The following LNX1 variants were observed in gnomAD, a reference collection of about 807,000 sequenced individuals.
LNX1 encodes ligand of numb-protein X 1, also known as E3 ubiquitin-protein ligase LNX.
Under a neutral mutation model 68.4 loss-of-function variants are expected in LNX1, and 54 were observed. The ratio of observed to expected loss-of-function variants is 0.79; its 90% CI spans 0.63 to 0.99. The LOEUF (loss-of-function observed/expected upper bound fraction) is 0.99, where lower values mean the gene tolerates loss of function less well. Among genes scored for constraint, LNX1 ranks in the 50% least tolerant of loss-of-function variants. The pLI is 0.00. For missense variants in LNX1, 906 were observed against 926.4 expected, an observed-to-expected ratio of 0.98 and a Z score of 0.29; for synonymous variants, 336 against 350.0, an observed-to-expected ratio of 0.96 and a Z score of 0.45.
intron 4 of LNX1, among the ~76,000 whole-genome samples, chr4:53,502,462 C>T (rs1335993296): frequency 6.6e-6 from 1 of 152,158 alleles, no homozygotes; most frequent in Non-Finnish European, 1.5e-5. Flanking sequence ...TACTTTATTG[C>T]TAAAACATGC....
intron 2 of LNX1, among the ~76,000 whole-genome samples, chr4:53,510,692 G>T (rs1726265783): frequency 6.6e-6 from 1 of 152,218 alleles, no homozygotes; most frequent in Admixed American, 6.5e-5. Context: ...ACACTTCCAG[G>T]CAGGCTGGTA....
intron 6 of LNX1, among the ~76,000 whole-genome samples, chr4:53,482,719 G>A (rs1392512790): frequency 3.3e-5 from 5 of 152,088 alleles, no homozygotes; most frequent in African/African-American, 1.2e-4. Context: ...GGGTGAGTGG[G>A]GTGAGGGATG....
In LNX1 at chr4:53,472,694, A is replaced by C. The variant is rs1343758429; in HGVS notation, c.1892+4059T>G. Among the ~76,000 whole-genome samples the C allele has an allele frequency of 1.1e-3, 158 of 139,220 alleles. 2 individuals carry two copies. Among genetic ancestry groups the C allele is most frequent in the South Asian group, 1.4e-3 (6 of 4,410 alleles). 91.3% of individuals were successfully genotyped at this position (139,220 alleles called of 152,430 possible). ...ACAACAACAACAACAACAAAAAAAAAAAAAACAAAAAACAATGGGGAAGTA... is the reference window on the plus strand; with the variant it reads ...ACAACAACAACAACAACAAAAAAAACAAAAACAAAAAACAATGGGGAAGTA... On this transcript the variant is annotated intron_variant, in intron 9 of 10. Coordinates refer to ENST00000263925, the MANE Select transcript of LNX1 (RefSeq NM_001126328.3).
intron 2 of LNX1, among the ~76,000 whole-genome samples, chr4:53,555,733 T>G (rs1213157361): frequency 6.6e-6 from 1 of 152,156 alleles, no homozygotes; most frequent in African/African-American, 2.4e-5. Flanking sequence ...AATTGGAAGC[T>G]TCTAAGAAAG....
At chr4:53,468,367 G>A (rs569528441) in intron 9 of LNX1, among the ~76,000 whole-genome samples, 3 of 152,242 alleles carry the variant, frequency 2.0e-5, no homozygotes, top group Admixed American at 6.5e-5. Context: ...AGGAACAACC[G>A]TTACCAGCTA....
At chr4:53,628,761 G>A (rs989561036) in intron 1 of LNX1, among the ~76,000 whole-genome samples, 3 of 151,908 alleles carry the variant, frequency 2.0e-5, no homozygotes, top group Non-Finnish European at 2.9e-5. Flanking sequence ...TTTAAAAACC[G>A]TGGTACAAGT....
chr4:53,503,833 T>C (rs1725672158), intron 4 of LNX1, among the ~76,000 whole-genome samples: 1 of 152,176 alleles, frequency 6.6e-6, no homozygotes. Flanking sequence ...GGCTGTATCA[T>C]CTACATTGAA....
intron 9 of LNX1, 99 bp downstream of exon 9, chr4:53,476,654 T>C: frequency 2.0e-6 from 2 of 977,768 alleles, no homozygotes; most frequent in Non-Finnish European, 3.3e-6. Context: ...CTAATTAAGA[T>C]GCTAGTGCCA....
chr4:53,650,721 G>A (rs563142916), intron 1 of LNX1, among the ~76,000 whole-genome samples: 1 of 152,112 alleles, frequency 6.6e-6, no homozygotes, highest in Admixed American at 6.5e-5. Context: ...GTCCCCCCAA[G>A]AACCTCAACC....
chr4:53,524,165 A>G (rs922830806), intron 2 of LNX1: 3 of 152,124 alleles, frequency 2.0e-5, no homozygotes, highest in Non-Finnish European at 4.4e-5. Flanking sequence ...TTTAAATTAT[A>G]TATATATTTT....
intron 2 of LNX1, among the ~76,000 whole-genome samples, chr4:53,570,957 G>A (rs1380315082): frequency 6.6e-6 from 1 of 151,814 alleles, no homozygotes; most frequent in African/African-American, 2.4e-5. Context: ...AACCCGGGAG[G>A]CCGAGCTTGT....
intron 2 of LNX1, among the ~76,000 whole-genome samples, chr4:53,518,073 G>C (rs1726926675): frequency 6.6e-6 from 1 of 152,112 alleles, no homozygotes; most frequent in Non-Finnish European, 1.5e-5. Flanking sequence ...CACCAGACAG[G>C]AAAAATTCAA....
At chr4:53,463,172 A>T (rs889004431) in intron 9 of LNX1, among the ~76,000 whole-genome samples, 1 of 152,096 alleles carries the variant, frequency 6.6e-6, no homozygotes, top group Admixed American at 6.5e-5. Context: ...AACCATCAAA[A>T]ATATTACGTG....
intron 1 of LNX1, among the ~76,000 whole-genome samples, chr4:53,641,693 C>T (rs1198419808): frequency 2.0e-5 from 3 of 152,176 alleles, no homozygotes; most frequent in Non-Finnish European, 2.9e-5. Context: ...TCCCCATTCA[C>T]CAGGTCCCCA....
At chr4:53,488,339 A>G (rs912839026) in intron 6 of LNX1, among the ~76,000 whole-genome samples, 1 of 152,148 alleles carries the variant, frequency 6.6e-6, no homozygotes, top group African/African-American at 2.4e-5. Context: ...CCCTGTGACA[A>G]TCCTATTTGA....
chr4:53,464,840 T>C (rs1484771268), intron 9 of LNX1, among the ~76,000 whole-genome samples: 1 of 152,148 alleles, frequency 6.6e-6, no homozygotes, highest in African/African-American at 2.4e-5. Flanking sequence ...TATTCCTCAA[T>C]GATAGCCAAT....
At chr4:53,506,803 C>A (rs569979074) in intron 4 of LNX1, among the ~76,000 whole-genome samples, 3 of 143,126 alleles carry the variant, frequency 2.1e-5, no homozygotes, top group Admixed American at 7.4e-5. Flanking sequence ...TTGCAGTGAG[C>A]CGAGATCATG....
chr4:53,567,483 C>T (rs1430396046), intron 2 of LNX1, among the ~76,000 whole-genome samples: 37 of 152,212 alleles, frequency 2.4e-4, no homozygotes, highest in African/African-American at 5.1e-4. Flanking sequence ...ATCTCTGGGA[C>T]GCATGCAAAG....
chr4:53,565,629 C>T (rs1404160372), intron 2 of LNX1, among the ~76,000 whole-genome samples: 1 of 152,130 alleles, frequency 6.6e-6, no homozygotes, highest in African/African-American at 2.4e-5. Context: ...TCACCAGCAA[C>T]AGAACAAAGC....
Sources: gnomAD v4.1 joint callset for allele counts (sites outside exome capture counted in the v4.1 genomes callset) on GRCh38, gnomAD v4.1.1 for gene constraint, MANE v1.5 for transcripts, NCBI Gene and HGNC (gene_info 2026-07-23, HGNC 2026-07-21) for gene names.